Variants in RNF17 observed in about 807,000 individuals in gnomAD.
RNF17 encodes spermatogenesis associated 23.
A neutral mutation model predicts 200.5 loss-of-function variants in RNF17; 31 were observed. The observed-to-expected ratio is 0.15, with a 90% CI of 0.12 to 0.21. The LOEUF (loss-of-function observed/expected upper bound fraction) is 0.21, where lower values mean the gene tolerates loss of function less well. Ranked by LOEUF, RNF17 falls within the 10% of genes least tolerant of loss-of-function variation. RNF17 has a pLI of 1.00. For synonymous variants in RNF17, 606 were observed against 637.8 expected, an observed-to-expected ratio of 0.95 and a Z score of 0.75; for missense variants, 1,628 against 1,905.1, an observed-to-expected ratio of 0.85 and a Z score of 2.71.
At chr13:24,793,398 C>T (rs1195396685) in intron 10 of RNF17, 52 bp downstream of exon 10, 3 of 1,473,718 alleles carry the variant, frequency 2.0e-6, no homozygotes, top group Non-Finnish European at 1.8e-6. Flanking sequence ...TGTAATTAGA[C>T]ACAGTTGGTA....
At chr13:24,867,029 C>G (rs980427416) in intron 30 of RNF17, among the ~76,000 whole-genome samples, 1 of 152,126 alleles carries the variant, frequency 6.6e-6, no homozygotes, top group Non-Finnish European at 1.5e-5. Flanking sequence ...TATTGTTGAG[C>G]ATCTTTTCAT....
chr13:24,881,899 TATAG>T (rs1290611128), downstream of RNF17, among the ~76,000 whole-genome samples: 15 of 60,484 alleles, frequency 2.5e-4, 3 homozygotes, highest in East Asian at 5.4e-3. Flanking sequence ...GATACATCTA[TATAG>T]ATATATAGAT....
At chr13:24,804,679 A>G (rs1885640051) in intron 15 of RNF17, among the ~76,000 whole-genome samples, 1 of 152,208 alleles carries the variant, frequency 6.6e-6, no homozygotes, top group Admixed American at 6.5e-5. Context: ...GGAGACTAGG[A>G]AAGCATATAG....
At chr13:24,824,691 T>G (rs1888438628) in intron 15 of RNF17, among the ~76,000 whole-genome samples, 1 of 152,210 alleles carries the variant, frequency 6.6e-6, no homozygotes, top group South Asian at 2.1e-4. Flanking sequence ...AAGGAAGAAT[T>G]ATCAATTCAC....
chr13:24,876,967 A>AT, intron 33 of RNF17, 30 bp from the exon 34 acceptor site: 1 of 1,539,488 alleles, frequency 6.5e-7, no homozygotes, highest in Non-Finnish European at 8.8e-7. Flanking sequence ...CCGGAAGAGA[A>AT]TTTTAATGTA....
rs1487251071 is a variant in RNF17, at chr13:24,868,593, G to A, written c.4162-7G>A. On this transcript the variant is annotated splice_polypyrimidine_tract_variant and splice_region_variant and intron_variant, in intron 30 of 35. Transcript: ENST00000255324. The stretch of plus-strand genomic sequence containing the variant: ...TCTGAAATTTGAATTTTTCTGTGGT[G>A]TTTTAGGAATTGCTTTCGGCTGAAA... The A allele has an allele frequency of 6.8e-7, 1 of 1,460,822 alleles. No individual in the cohort carries two copies. The highest frequency in any genetic ancestry group is 9.6e-7 in the Non-Finnish European group (1 of 1,045,886). 90.5% of individuals were successfully genotyped at this position (1,460,822 alleles called of 1,614,324 possible). A position where few individuals can be genotyped will look rare whatever the true frequency, so the allele number is the denominator to read the frequency against.
chr13:24,860,748 A>T (rs12427716), intron 26 of RNF17, among the ~76,000 whole-genome samples: 16,031 of 152,248 alleles, frequency 0.11, 1,070 homozygotes, highest in Admixed American at 0.14. Context: ...TTTTCAAAAA[A>T]AAGTCTGATG....
the RNF17 span, among the ~76,000 whole-genome samples, chr13:24,748,468 A>G: frequency 2.0e-5 from 3 of 152,226 alleles, no homozygotes; most frequent in East Asian, 5.8e-4. Context: ...TTCAAGACAA[A>G]AACAACAAAA....
intron 3 of RNF17, among the ~76,000 whole-genome samples, chr13:24,775,405 A>G (rs1024351335): frequency 1.3e-5 from 2 of 152,078 alleles, no homozygotes; most frequent in African/African-American, 4.8e-5. Context: ...ATGCACCACC[A>G]TGCACAGCTA....
intron 30 of RNF17, among the ~76,000 whole-genome samples, chr13:24,866,933 A>G (rs1308395499): frequency 1.3e-5 from 2 of 152,132 alleles, no homozygotes; most frequent in Non-Finnish European, 2.9e-5. Context: ...CCAGATTACT[A>G]CTTGTATTCT....
chr13:24,866,159 CATG>C lies in RNF17; in HGVS notation c.4120_4122del (p.Asp1374del). The stretch of plus-strand genomic sequence containing the variant: ...ATTATTTCAGAAACCAAGATCAGAT[CATG>C]ATAAAAAGTATGAAGAGGAACAATG... On this transcript the variant is annotated inframe_deletion, in exon 30 of 36. Transcript: ENST00000255324. 6.5e-7 allele frequency: 1 copy of C among 1,531,092 alleles called. No individual in the cohort carries two copies. The highest frequency in any genetic ancestry group is 1.1e-5 in the South Asian group (1 of 87,214). The allele number at this position is 1,531,092 out of a possible 1,614,324, so 94.8% of individuals were successfully genotyped here. A position where few individuals can be genotyped will look rare whatever the true frequency, so the allele number is the denominator to read the frequency against.
chr13:24,778,144 C>A, intron 3 of RNF17, 151 bp from the exon 4 acceptor site: 1 of 557,360 alleles, frequency 1.8e-6, no homozygotes. Context: ...TGCCTATGGT[C>A]CCAGCTACTT....
intron 13 of RNF17, among the ~76,000 whole-genome samples, chr13:24,801,596 T>C (rs1327905882): frequency 6.6e-6 from 1 of 152,192 alleles, no homozygotes; most frequent in Non-Finnish European, 1.5e-5. Context: ...CACACCAGTC[T>C]GGGTGACAGA....
intron 13 of RNF17, among the ~76,000 whole-genome samples, chr13:24,801,743 AT>A (rs1486571871): frequency 6.6e-6 from 1 of 152,182 alleles, no homozygotes; most frequent in Non-Finnish European, 1.5e-5. Context: ...TTTAGATTTT[AT>A]TTTAGGCATA....
At chr13:24,839,370 A>G (rs1890366528) in intron 18 of RNF17, among the ~76,000 whole-genome samples, 1 of 152,210 alleles carries the variant, frequency 6.6e-6, no homozygotes, top group Non-Finnish European at 1.5e-5. Flanking sequence ...TCTTCAGAGA[A>G]TTAGAAAAAA....
intron 16 of RNF17, 98 bp downstream of exon 16, chr13:24,825,870 G>C (rs549457708): frequency 1.9e-5 from 27 of 1,434,836 alleles, no homozygotes; most frequent in Non-Finnish European, 2.3e-5. Flanking sequence ...AATGTTATTT[G>C]ATCTTATCAT....
chr13:24,800,410 A>C lies in RNF17; in HGVS notation c.1634A>C (p.His545Pro). ...AGACCAGAACACTCTGCTAAGCAAC[A>C]TATTGCACTAAATGATTTATGTCTG... ...HVRPEHSAKQ[H>P]IALNDLCLVL... Residue 545 changes from histidine (H) to proline (P), a missense_variant, in exon 13 of 36, where the codon CAT (histidine) becomes CCT (proline). By Grantham distance (77) the His-to-Pro change is moderately conservative (BLOSUM62 -2). Around this residue, in one of 5 missense-constraint regions of RNF17, gnomAD observed 289 missense variants for 384.9 expected, o/e 0.75. Transcript: ENST00000255324. 6.2e-7 allele frequency: 1 copy of C among 1,612,626 alleles called. No individual in the cohort carries two copies. Among genetic ancestry groups the C allele is most frequent in the Non-Finnish European group, 8.5e-7 (1 of 1,179,018 alleles).
At position 24,879,854 on chromosome 13, in the gene RNF17, C is replaced by G. The variant is rs1953748100; in HGVS notation, c.*128C>G. 6.6e-6 allele frequency: 1 copy of G among 152,056 alleles called. No individual in the cohort carries two copies. The highest frequency in any genetic ancestry group is 6.6e-5 in the Admixed American group (1 of 15,262). The allele number at this position is 152,056 out of a possible 1,614,324, so 9.4% of individuals were successfully genotyped here. Reference sequence around the variant, plus strand: ...AACTTGTTCAGCACTAGTGCTTTACCTCTCATTTTTAATTGAACTGTTAGG... The same window carrying G: ...AACTTGTTCAGCACTAGTGCTTTACGTCTCATTTTTAATTGAACTGTTAGG... On this transcript the variant is annotated 3_prime_UTR_variant, in exon 36 of 36. Transcript: ENST00000255324.
At position 24,832,012 on chromosome 13, in the gene RNF17, T is replaced by A. The variant is rs138301809; in HGVS notation, c.2482+34T>A. 9.8e-5 allele frequency: 135 copies of A among 1,375,776 alleles called. No individual in the cohort carries two copies. The African/African-American group carries it at 1.8e-3, about 18-fold the overall frequency. The allele number at this position is 1,375,776 out of a possible 1,614,324, so 85.2% of individuals were successfully genotyped here. A position where few individuals can be genotyped will look rare whatever the true frequency, so the allele number is the denominator to read the frequency against. On this transcript the variant is annotated intron_variant, in intron 18 of 35. Coordinates refer to ENST00000255324, the MANE Select transcript of RNF17 (RefSeq NM_031277.3). ...CATTTTTACTTGTTATGTAATCACA[T>A]ATAATTTTAAATAATAATATGAATA...
Sources: gnomAD v4.1 joint callset for allele counts (sites outside exome capture counted in the v4.1 genomes callset) on GRCh38, gnomAD v4.1.1 for gene constraint, gnomAD v4.1.1 regional missense constraint, MANE v1.5 for transcripts, NCBI Gene and HGNC (gene_info 2026-07-23, HGNC 2026-07-21) for gene names.